The following RBM33 variants were observed in gnomAD, a reference collection of about 807,000 sequenced individuals.
The protein encoded by RBM33 is RNA binding motif protein 33, also known as RNA-binding protein 33.
RBM33 carries 28 observed loss-of-function variants against 132.6 expected under a neutral mutation model. The ratio of observed to expected loss-of-function variants is 0.21; its 90% CI spans 0.16 to 0.29. The LOEUF is 0.29. Ranked by LOEUF, RBM33 falls within the 10% of genes least tolerant of loss-of-function variation. The probability of loss-of-function intolerance (pLI) is 1.00; values close to 1 mark genes in which losing one functional copy is unlikely to be tolerated. For missense variants in RBM33, 1,291 were observed against 1,518.5 expected, an observed-to-expected ratio of 0.85 and a Z score of 2.49; for synonymous variants, 634 against 593.0, an observed-to-expected ratio of 1.07 and a Z score of -1.01.
At position 155,707,939 on chromosome 7, in the gene RBM33, C is replaced by A. The variant is rs139161460; in HGVS notation, c.948+871C>A. 1.4e-3 allele frequency among the ~76,000 whole-genome samples: 215 copies of A among 152,312 alleles called. 4 individuals are homozygous for A. The highest frequency in any genetic ancestry group is 4.9e-3 in the African/African-American group (205 of 41,562). ...CCTCCCAGAGTGCTGGGATTACGGG[C>A]GTGAGCCACTGGGCCCAACCTATTC... On this transcript the variant is annotated intron_variant, in intron 7 of 17. Transcript: ENST00000401878.
chr7:155,769,019 C>T (rs184889552), intron 16 of RBM33, among the ~76,000 whole-genome samples: 20 of 152,260 alleles, frequency 1.3e-4, no homozygotes, highest in South Asian at 6.2e-4. Flanking sequence ...TGTTTTACTT[C>T]CTTAAACTAC....
chr7:155,735,352 C>T (rs1363183263), intron 9 of RBM33, among the ~76,000 whole-genome samples: 1 of 152,092 alleles, frequency 6.6e-6, no homozygotes, highest in Non-Finnish European at 1.5e-5. Context: ...TATGTAACGG[C>T]GTGTGCTATT....
intron 1 of RBM33, among the ~76,000 whole-genome samples, chr7:155,655,879 C>G (rs934283920): frequency 2.0e-5 from 3 of 151,894 alleles, no homozygotes; most frequent in African/African-American, 7.3e-5. Flanking sequence ...CATTGCAAGA[C>G]CCCGTCTCTT....
chr7:155,749,869 C>T (rs1801640425), intron 14 of RBM33, among the ~76,000 whole-genome samples: 1 of 152,142 alleles, frequency 6.6e-6, no homozygotes, highest in Admixed American at 6.5e-5. Context: ...GTGAGTCTAT[C>T]CTTGAACATT....
chr7:155,741,677 T>C (rs1801340834), intron 12 of RBM33, 142 bp from the exon 13 acceptor site: 1 of 763,160 alleles, frequency 1.3e-6, no homozygotes, highest in South Asian at 1.9e-5. Context: ...AAAAAAAGTA[T>C]GAGAAAAAAG....
intron 14 of RBM33, among the ~76,000 whole-genome samples, chr7:155,751,615 G>C (rs1330372129): frequency 6.6e-6 from 1 of 152,154 alleles, no homozygotes; most frequent in African/African-American, 2.4e-5. Context: ...ATCGGTTTCA[G>C]GTTGTCCATA....
chr7:155,737,471 A>G, intron 9 of RBM33, 59 bp from the exon 10 acceptor site: 1 of 1,509,658 alleles, frequency 6.6e-7, no homozygotes, highest in South Asian at 1.3e-5. Context: ...ATTTCTAAAA[A>G]TTACATACCA....
In RBM33 at chr7:155,770,116, G is replaced by A. The variant is rs115784648; in HGVS notation, c.3375+3461G>A. Among the ~76,000 whole-genome samples the A allele has an allele frequency of 7.0e-3, 1,066 of 152,284 alleles. 17 individuals carry two copies. The highest frequency in any genetic ancestry group is 0.024 in the African/African-American group (1,002 of 41,544). ...TAAACCAGAGCAAAAGGAGCAACGC[G>A]CCCGGGATGTGCAGGAGAGCCCAAA... On this transcript the variant is annotated intron_variant, in intron 16 of 17. Coordinates refer to ENST00000401878, the MANE Select transcript of RBM33 (RefSeq NM_053043.3).
chr7:155,670,951 GCA>G (rs1223212243), intron 2 of RBM33, among the ~76,000 whole-genome samples: 1 of 152,196 alleles, frequency 6.6e-6, no homozygotes, highest in Non-Finnish European at 1.5e-5. Context: ...TCAGCAAGAG[GCA>G]CAGATACTTT....
At chr7:155,735,069 T>C (rs61071575) in intron 9 of RBM33, among the ~76,000 whole-genome samples, 13,660 of 152,146 alleles carry the variant, frequency 0.09, 1,075 homozygotes, top group African/African-American at 0.21. Context: ...GTTGGACCAT[T>C]GTAAGTCAGG....
Position 155,739,961 on chromosome 7 carries a change from C to G in RBM33, c.1984C>G (p.Gln662Glu), listed in dbSNP as rs1187820031. The stretch of plus-strand genomic sequence containing the variant: ...TCAGCCACAGTTCCGGCCTCACGTA[C>G]AGACCGCTCAGCCTCAGGCCAGCAG... The part of the protein sequence containing the change: ...MSQPQFRPHV[Q>E]TAQPQASSSR... The change falls in exon 12 of 18, where the codon CAG becomes GAG. Residue 662 changes from glutamine (Q) to glutamate (E), a missense_variant. Gln to Glu is a conservative substitution (Grantham distance 29). Transcript: ENST00000401878. 1 of 1,562,040 alleles carries G rather than the reference C, an allele frequency of 6.4e-7. No homozygotes were observed. Among genetic ancestry groups the G allele is most frequent in the Non-Finnish European group, 8.7e-7 (1 of 1,152,550 alleles).
intron 9 of RBM33, among the ~76,000 whole-genome samples, chr7:155,731,792 A>T (rs573472239): frequency 1.1e-4 from 16 of 152,338 alleles, no homozygotes; most frequent in African/African-American, 3.8e-4. Context: ...TGTACTATTG[A>T]GGATGAGATT....
Position 155,766,457 on chromosome 7 carries a change from T to C in RBM33, c.3187-10T>C. On this transcript the variant is annotated splice_polypyrimidine_tract_variant and intron_variant, in intron 15 of 17. Coordinates refer to ENST00000401878, the MANE Select transcript of RBM33 (RefSeq NM_053043.3). ...TGAAACTCTGAATGTATTTCCTTTG[T>C]TGTCACCAGGCCATCATGCACGGAC... 3.1e-6 allele frequency: 5 copies of C among 1,612,828 alleles called. No individual in the cohort carries two copies. Among genetic ancestry groups the C allele is most frequent in the Non-Finnish European group, 4.2e-6 (5 of 1,179,742 alleles).
At chr7:155,681,019 C>A in intron 5 of RBM33, 111 bp downstream of exon 5, 1 of 793,902 alleles carries the variant, frequency 1.3e-6, no homozygotes, top group Non-Finnish European at 2.0e-6. Flanking sequence ...GAAATTAGAC[C>A]TTATTATCAC....
chr7:155,683,444 C>T (rs944807817), intron 5 of RBM33, among the ~76,000 whole-genome samples: 1 of 152,172 alleles, frequency 6.6e-6, no homozygotes, highest in Non-Finnish European at 1.5e-5. Flanking sequence ...TGTTAACCCC[C>T]ACTCTAAGAC....
At chr7:155,645,391 G>GC (rs1388403431) in intron 1 of RBM33, among the ~76,000 whole-genome samples, 1 of 152,250 alleles carries the variant, frequency 6.6e-6, no homozygotes, top group East Asian at 1.9e-4. Context: ...ATTCACCTGT[G>GC]TGAAGGAATG....
intron 4 of RBM33, among the ~76,000 whole-genome samples, chr7:155,679,455 T>C (rs1020093998): frequency 6.6e-6 from 1 of 151,916 alleles, no homozygotes; most frequent in African/African-American, 2.4e-5. Context: ...ACTGATACGA[T>C]GAATGTCTTT....
At position 155,738,315 on chromosome 7, in the gene RBM33, C is replaced by T; in HGVS notation, c.1649C>T (p.Thr550Ile). 6.2e-7 allele frequency: 1 copy of T among 1,613,992 alleles called. No homozygotes were observed. The highest frequency in any genetic ancestry group is 8.5e-7 in the Non-Finnish European group (1 of 1,179,894). ...CACTTTAGCCAGCCTGGGTCGGCAACCACACGGCCCTTCATTCCTCCTAGA... is the reference window on the plus strand; with the variant it reads ...CACTTTAGCCAGCCTGGGTCGGCAATCACACGGCCCTTCATTCCTCCTAGA... ...ILHFSQPGSA[T>I]TRPFIPPRQP... The change falls in exon 11 of 18, where the codon ACC becomes ATC. Residue 550 changes from threonine (T) to isoleucine (I), a missense_variant. Thr to Ile is a moderately conservative substitution (Grantham distance 89). This residue lies in a region of RBM33 where 841 missense variants were observed against 912.0 expected (regional missense o/e 0.92). Coordinates refer to ENST00000401878, the MANE Select transcript of RBM33 (RefSeq NM_053043.3).
chr7:155,762,801 G>A (rs1440145507), intron 14 of RBM33, among the ~76,000 whole-genome samples: 1 of 152,166 alleles, frequency 6.6e-6, no homozygotes. Flanking sequence ...TTACTATCCC[G>A]TGACTGACAC....
Sources: allele counts gnomAD v4.1 joint callset (sites outside exome capture counted in the v4.1 genomes callset), GRCh38; gene constraint gnomAD v4.1.1; regional missense constraint gnomAD v4.1.1; transcripts MANE v1.5; gene names NCBI Gene and HGNC (gene_info 2026-07-23, HGNC 2026-07-21).